Variants in REV3L observed in about 807,000 individuals in gnomAD.
REV3L encodes REV3 like, DNA directed polymerase zeta catalytic subunit, also known as DNA polymerase zeta catalytic subunit.
REV3L carries 69 observed loss-of-function variants against 299.4 expected under a neutral mutation model. The observed-to-expected ratio is 0.23, with a 90% CI of 0.19 to 0.28. The LOEUF is 0.28. REV3L is among the 10% of genes least tolerant of loss of function. REV3L has a pLI of 1.00. For missense variants in REV3L, 3,128 were observed against 3,693.8 expected, an observed-to-expected ratio of 0.85 and a Z score of 3.97; for synonymous variants, 1,238 against 1,271.4, an observed-to-expected ratio of 0.97 and a Z score of 0.56.
intron 10 of REV3L, among the ~76,000 whole-genome samples, 175 bp downstream of exon 10, chr6:111,381,150 G>GA (rs1317711325): frequency 1.3e-5 from 2 of 151,722 alleles, no homozygotes; most frequent in African/African-American, 2.4e-5. Context: ...AAGCTGTATA[G>GA]AAAAAAAGCA....
chr6:111,385,809 TG>T (rs1562232762), intron 9 of REV3L, among the ~76,000 whole-genome samples: 1 of 151,962 alleles, frequency 6.6e-6, no homozygotes, highest in Non-Finnish European at 1.5e-5. Flanking sequence ...AAGCACAAAA[TG>T]TAATTCACAA....
intron 24 of REV3L, among the ~76,000 whole-genome samples, 184 bp downstream of exon 24, chr6:111,331,492 G>A (rs1355488831): frequency 6.6e-6 from 1 of 152,136 alleles, no homozygotes; most frequent in Admixed American, 6.6e-5. Flanking sequence ...AGAAAAACAA[G>A]GTGACTGGTT....
intron 30 of REV3L, among the ~76,000 whole-genome samples, chr6:111,308,803 T>C (rs990153814): frequency 6.6e-6 from 1 of 152,266 alleles, no homozygotes; most frequent in Non-Finnish European, 1.5e-5. Context: ...AATATTTCTA[T>C]AATTTGGCCA....
intron 1 of REV3L, among the ~76,000 whole-genome samples, chr6:111,459,098 A>G (rs1422774229): frequency 6.6e-6 from 1 of 151,962 alleles, no homozygotes; most frequent in Non-Finnish European, 1.5e-5. Context: ...TGGACCAATA[A>G]AACAGAATAG....
At chr6:111,337,838 A>C (rs2114866810) in intron 21 of REV3L, among the ~76,000 whole-genome samples, 1 of 152,304 alleles carries the variant, frequency 6.6e-6, no homozygotes, top group East Asian at 1.9e-4. Flanking sequence ...TTTAAAATAG[A>C]ACAAAATGGA....
intron 1 of REV3L, among the ~76,000 whole-genome samples, chr6:111,438,854 C>T (rs186661539): frequency 4.2e-4 from 64 of 152,198 alleles, no homozygotes; most frequent in Non-Finnish European, 6.2e-4. Context: ...TGGGCAAAAA[C>T]ACATTAACTA....
chr6:111,444,471 C>T (rs1308614958), intron 1 of REV3L, among the ~76,000 whole-genome samples: 1 of 152,132 alleles, frequency 6.6e-6, no homozygotes, highest in East Asian at 1.9e-4. Context: ...TTCCAATACA[C>T]TTAACCACAA....
chr6:111,359,098 G>A, intron 16 of REV3L, 84 bp from the exon 17 acceptor site: 3 of 1,129,982 alleles, frequency 2.7e-6, no homozygotes, highest in Non-Finnish European at 3.7e-6. Context: ...AGGGAAATAT[G>A]TATGTAAGAT....
chr6:111,403,895 G>C (rs554435296), intron 4 of REV3L, among the ~76,000 whole-genome samples: 1 of 152,312 alleles, frequency 6.6e-6, no homozygotes, highest in South Asian at 2.1e-4. Context: ...GAAATTAACA[G>C]TGCTACTCCA....
intron 2 of REV3L, among the ~76,000 whole-genome samples, chr6:111,415,763 T>G (rs1354688508): frequency 6.6e-6 from 1 of 152,182 alleles, no homozygotes; most frequent in Non-Finnish European, 1.5e-5. Flanking sequence ...CCCTGATTAC[T>G]CTAAAATTGT....
intron 1 of REV3L, among the ~76,000 whole-genome samples, chr6:111,425,095 G>C (rs1344602011): frequency 6.6e-6 from 1 of 152,160 alleles, no homozygotes; most frequent in African/African-American, 2.4e-5. Context: ...AGCAAAAGCT[G>C]AGAAAAGAGG....
chr6:111,328,617 T>C (rs533055342), intron 25 of REV3L, among the ~76,000 whole-genome samples: 1 of 152,310 alleles, frequency 6.6e-6, no homozygotes, highest in Admixed American at 6.5e-5. Context: ...CACAGAGGTA[T>C]CTTATAGAGA....
chr6:111,425,940 A>G (rs1357623106), intron 1 of REV3L, among the ~76,000 whole-genome samples: 1 of 152,230 alleles, frequency 6.6e-6, no homozygotes, highest in Non-Finnish European at 1.5e-5. Context: ...ATACTATGAT[A>G]TAAGAAGAAA....
chr6:111,342,062 C>T (rs563308835), intron 21 of REV3L, among the ~76,000 whole-genome samples: 61 of 152,270 alleles, frequency 4.0e-4, no homozygotes, highest in African/African-American at 1.4e-3. Flanking sequence ...TATGTACAGA[C>T]GACAGAGTTT....
chr6:111,409,856 T>C (rs1008849867), intron 3 of REV3L, among the ~76,000 whole-genome samples: 3 of 152,010 alleles, frequency 2.0e-5, no homozygotes, highest in South Asian at 2.1e-4. Context: ...AGAACTGACG[T>C]TTTCATTTGG....
Position 111,373,566 on chromosome 6 carries a change from T to C in REV3L, c.4789A>G (p.Lys1597Glu), listed in dbSNP as rs1307805959. The change falls in exon 13 of 32, where the codon AAA (lysine) becomes GAA (glutamate). Residue 1597 changes from lysine to glutamate, a missense_variant. Around this residue, in one of 9 missense-constraint regions of REV3L, gnomAD observed 2,409 missense variants for 2,611.8 expected, o/e 0.92. Transcript: ENST00000368802. The stretch of plus-strand genomic sequence containing the variant: ...TTTAAAGAGTCTACTTTGAGAAGTT[T>C]GGGGATTTTTTCTTTTTGTTTTGTA... ...RSTKQKEKIP[K>E]LLKVDSLNLQ... 4 of 1,613,908 alleles carry C rather than the reference T, an allele frequency of 2.5e-6. No individual in the cohort carries two copies. Among genetic ancestry groups the C allele is most frequent in the East Asian group, 2.2e-5 (1 of 44,878 alleles).
intron 1 of REV3L, among the ~76,000 whole-genome samples, chr6:111,469,504 A>AT (rs1791923398): frequency 6.6e-6 from 1 of 152,160 alleles, no homozygotes; most frequent in Non-Finnish European, 1.5e-5. Flanking sequence ...TGGCCCCCTA[A>AT]TTAGCCCCAC....
At position 111,418,526 on chromosome 6, in the gene REV3L, T is replaced by G. The variant is rs945527988; in HGVS notation, c.140-2054A>C. Among the ~76,000 whole-genome samples the G allele has an allele frequency of 6.6e-5, 10 of 152,168 alleles. 1 individual carries two copies. The highest frequency in any genetic ancestry group is 5.2e-4 in the Admixed American group (8 of 15,280). On this transcript the variant is annotated intron_variant, in intron 1 of 31. Coordinates refer to ENST00000368802, the MANE Select transcript of REV3L (RefSeq NM_001372078.1). ...AATTTAGGAAAAAGGAAGAAATGAT[T>G]TACTCAGCAGGTAATAGGGTAAGTG...
chr6:111,431,689 T>TC, intron 1 of REV3L: 4 of 955,866 alleles, frequency 4.2e-6, no homozygotes, highest in Non-Finnish European at 6.7e-6. Flanking sequence ...TTCCATTCCT[T>TC]CCCCCGTCAT....
Sources: allele counts gnomAD v4.1 joint callset (sites outside exome capture counted in the v4.1 genomes callset), GRCh38; gene constraint gnomAD v4.1.1; regional missense constraint gnomAD v4.1.1; transcripts MANE v1.5; gene names NCBI Gene and HGNC (gene_info 2026-07-23, HGNC 2026-07-21).